RSRC1: variants seen among roughly 807,000 people sequenced by gnomAD.
RSRC1 encodes serine/Arginine-related protein 53.
A neutral mutation model predicts 49.1 loss-of-function variants in RSRC1; 39 were observed. The ratio of observed to expected loss-of-function variants is 0.79; its 90% CI spans 0.61 to 1.04. The LOEUF is 1.04. RSRC1 is among the 50% of genes least tolerant of loss of function. RSRC1 has a pLI of 0.00. For synonymous variants in RSRC1, 143 were observed against 130.8 expected (o/e 1.09, Z -0.63); for missense variants, 388 against 402.4 (o/e 0.96, Z 0.31).
intron 7 of RSRC1, among the ~76,000 whole-genome samples, chr3:158,495,789 A>G (rs1250740323): frequency 2.6e-5 from 4 of 152,234 alleles, no homozygotes; most frequent in African/African-American, 7.2e-5. Flanking sequence ...ATTTGTTTAC[A>G]TATTGTCAAT....
chr3:158,414,791 T>TA (rs1205643256), intron 6 of RSRC1, among the ~76,000 whole-genome samples: 4 of 152,078 alleles, frequency 2.6e-5, no homozygotes, highest in Non-Finnish European at 4.4e-5. Context: ...GAAACACTCT[T>TA]ACAATTAATT....
At chr3:158,235,022 A>T (rs1649334340) in intron 4 of RSRC1, among the ~76,000 whole-genome samples, 1 of 152,164 alleles carries the variant, frequency 6.6e-6, no homozygotes, top group African/African-American at 2.4e-5. Context: ...TAAGAACAGC[A>T]GGGTTACACA....
chr3:158,156,074 C>T (rs2108218300), intron 3 of RSRC1, among the ~76,000 whole-genome samples: 1 of 152,302 alleles, frequency 6.6e-6, no homozygotes, highest in East Asian at 1.9e-4. Context: ...GCTGTTTTGT[C>T]TGCATTGAAA....
intron 6 of RSRC1, among the ~76,000 whole-genome samples, chr3:158,360,300 T>C (rs1731394217): frequency 6.6e-6 from 1 of 152,170 alleles, no homozygotes; most frequent in African/African-American, 2.4e-5. Flanking sequence ...GGGGCTTTTA[T>C]GGGCCTTAGA....
chr3:158,448,247 G>A (rs368862909), intron 6 of RSRC1, among the ~76,000 whole-genome samples: 1 of 143,198 alleles, frequency 7.0e-6, no homozygotes, highest in South Asian at 2.3e-4. Flanking sequence ...ATCCAGTAGT[G>A]CCTTTCTTTG....
chr3:158,376,611 A>C (rs1350114535), intron 6 of RSRC1, among the ~76,000 whole-genome samples: 1 of 152,218 alleles, frequency 6.6e-6, no homozygotes, highest in East Asian at 1.9e-4. Flanking sequence ...AACTCAAAGC[A>C]GTAACTACAG....
At chr3:158,524,561 C>G (rs1437590586) in intron 7 of RSRC1, among the ~76,000 whole-genome samples, 2 of 151,976 alleles carry the variant, frequency 1.3e-5, no homozygotes, top group Admixed American at 6.6e-5. Context: ...ATGTCTTACC[C>G]TTCTTAGTCC....
At chr3:158,267,278 T>C (rs1331913928) in intron 4 of RSRC1, among the ~76,000 whole-genome samples, 3 of 152,300 alleles carry the variant, frequency 2.0e-5, no homozygotes, top group East Asian at 3.9e-4. Context: ...GTTTTCTTTT[T>C]ATCTTTGGCT....
chr3:158,178,254 T>A (rs1187726467), intron 3 of RSRC1, among the ~76,000 whole-genome samples: 1 of 152,124 alleles, frequency 6.6e-6, no homozygotes. Context: ...TTGTCCCACC[T>A]CCACCTCCCG....
At chr3:158,533,221 A>G (rs1390171682) in intron 7 of RSRC1, among the ~76,000 whole-genome samples, 2 of 151,730 alleles carry the variant, frequency 1.3e-5, no homozygotes. Flanking sequence ...GAATCTTTCA[A>G]ATTTTAATTT....
At chr3:158,145,289 A>G (rs1352222180) in intron 3 of RSRC1, among the ~76,000 whole-genome samples, 1 of 152,164 alleles carries the variant, frequency 6.6e-6, no homozygotes, top group Non-Finnish European at 1.5e-5. Flanking sequence ...TCTTTAATCC[A>G]TCTTGAATTA....
chr3:158,174,040 G>T (rs895152413), intron 3 of RSRC1, among the ~76,000 whole-genome samples: 1 of 151,488 alleles, frequency 6.6e-6, no homozygotes, highest in Non-Finnish European at 1.5e-5. Context: ...CGTACAACTT[G>T]GTAAATTTAC....
At chr3:158,348,059 T>C (rs1348144475) in intron 5 of RSRC1, among the ~76,000 whole-genome samples, 1 of 152,196 alleles carries the variant, frequency 6.6e-6, no homozygotes, top group Non-Finnish European at 1.5e-5. Context: ...TTACCCTATC[T>C]TAATTTCGAT....
chr3:158,212,839 T>C (rs776511847), intron 4 of RSRC1, among the ~76,000 whole-genome samples: 1 of 151,954 alleles, frequency 6.6e-6, no homozygotes, highest in Non-Finnish European at 1.5e-5. Context: ...ACAGTTCTAA[T>C]TTATATCTCA....
At chr3:158,220,370 G>A (rs1244545286) in intron 4 of RSRC1, among the ~76,000 whole-genome samples, 1 of 151,652 alleles carries the variant, frequency 6.6e-6, no homozygotes, top group African/African-American at 2.4e-5. Flanking sequence ...CCATCTGTCT[G>A]TACTCTGAAG....
chr3:158,457,749 T>TTTTTTG (rs1553809981), intron 6 of RSRC1, among the ~76,000 whole-genome samples: 1 of 148,876 alleles, frequency 6.7e-6, no homozygotes, highest in Admixed American at 6.7e-5. Context: ...TGTTTTTTTT[T>TTTTTTG]TTTGTTTGTT....
In RSRC1 at chr3:158,193,131, A is replaced by G. The variant is rs78987031; in HGVS notation, c.321-9941A>G. ...GTAATATTATTTCATTCTCATGGTA[A>G]GGTAAATATTATTGTCATTTTGCAG... On this transcript the variant is annotated intron_variant, in intron 3 of 9. Transcript: ENST00000611884. Among the ~76,000 whole-genome samples the G allele has an allele frequency of 4.3e-3, 653 of 152,144 alleles. 13 individuals carry two copies. In the South Asian group the frequency reaches 0.048, roughly 11 times the overall value.
intron 6 of RSRC1, among the ~76,000 whole-genome samples, chr3:158,422,065 T>C (rs1487665304): frequency 9.5e-5 from 2 of 20,974 alleles, no homozygotes; most frequent in Non-Finnish European, 1.7e-4. Context: ...TTTCAGTTTT[T>C]CTTTTTTATT....
chr3:158,371,493 CTT>C (rs1267503203), intron 6 of RSRC1, among the ~76,000 whole-genome samples: 2 of 151,704 alleles, frequency 1.3e-5, no homozygotes, highest in East Asian at 1.9e-4. Flanking sequence ...AATATGTAGA[CTT>C]TGAGTCTAGC....
Sources: gnomAD v4.1 joint callset for allele counts (sites outside exome capture counted in the v4.1 genomes callset) on GRCh38, gnomAD v4.1.1 for gene constraint, MANE v1.5 for transcripts, NCBI Gene and HGNC (gene_info 2026-07-23, HGNC 2026-07-21) for gene names.